Variants in GDPD5 observed in about 807,000 individuals in gnomAD.
GDPD5 encodes glycerophosphodiester phosphodiesterase domain containing 5.
Under a neutral mutation model 75.1 loss-of-function variants are expected in GDPD5, and 48 were observed. That is an observed-to-expected ratio of 0.64 (90% confidence interval 0.51 to 0.81). The LOEUF (loss-of-function observed/expected upper bound fraction) is 0.81. Among genes scored for constraint, GDPD5 ranks in the 40% least tolerant of loss-of-function variants. GDPD5 has a pLI of 0.00. For synonymous variants in GDPD5, 336 were observed against 339.0 expected (o/e 0.99, Z 0.10); for missense variants, 706 against 822.6 (o/e 0.86, Z 1.73).
chr11:75,523,042 C>T (rs77646238), intron 1 of GDPD5, among the ~76,000 whole-genome samples: 4,142 of 152,272 alleles, frequency 0.027, 187 homozygotes, highest in African/African-American at 0.094. Context: ...GCGTTCTAAT[C>T]GAAGACAAGT....
In GDPD5 at chr11:75,457,677, A is replaced by C. The variant is rs763057076; in HGVS notation, c.315+16T>G. 1.9e-6 allele frequency: 3 copies of C among 1,613,206 alleles called. No homozygotes were observed. Among genetic ancestry groups the C allele is most frequent in the East Asian group, 4.5e-5 (2 of 44,878 alleles). On this transcript the variant is annotated intron_variant, in intron 5 of 16. Coordinates refer to ENST00000336898, the MANE Select transcript of GDPD5 (RefSeq NM_030792.8). ...TGGGAGCAGGGCCACCTGCCCTCCAAAACAGCCCCATGTACCAGGAGGCCA... is the reference window on the plus strand; with the variant it reads ...TGGGAGCAGGGCCACCTGCCCTCCACAACAGCCCCATGTACCAGGAGGCCA...
At chr11:75,524,267 G>C (rs1243100270) in intron 1 of GDPD5, among the ~76,000 whole-genome samples, 1 of 152,208 alleles carries the variant, frequency 6.6e-6, no homozygotes, top group Non-Finnish European at 1.5e-5. Context: ...GGCATTCCTC[G>C]GGGCCCCAGC....
intron 12 of GDPD5, 48 bp downstream of exon 12, chr11:75,442,315 T>TAGCCAGGCCAGGGCTCC: frequency 3.5e-6 from 5 of 1,423,906 alleles, no homozygotes; most frequent in Non-Finnish European, 4.8e-6. Flanking sequence ...AGCAGGGCTC[T>TAGCCAGGCCAGGGCTCC]AGCCAGGCCA....
intron 1 of GDPD5, among the ~76,000 whole-genome samples, chr11:75,521,783 G>A (rs1409685216): frequency 7.3e-6 from 1 of 137,030 alleles, no homozygotes; most frequent in Non-Finnish European, 1.7e-5. Context: ...CAGGGATGGC[G>A]GTTCTGATGG....
At chr11:75,494,406 G>A (rs1950174795) in intron 1 of GDPD5, among the ~76,000 whole-genome samples, 1 of 151,632 alleles carries the variant, frequency 6.6e-6, no homozygotes, top group Admixed American at 6.6e-5. Context: ...TAGAAGAGAT[G>A]GGCTTTCACC....
At chr11:75,463,037 G>A in intron 3 of GDPD5, 148 bp from the exon 4 acceptor site, 2 of 646,482 alleles carry the variant, frequency 3.1e-6, no homozygotes, top group Non-Finnish European at 5.4e-6. Context: ...GAGAAACTGA[G>A]GTTCAGAGAG....
At chr11:75,467,195 T>G (rs1226670540) in intron 3 of GDPD5, among the ~76,000 whole-genome samples, 1 of 152,238 alleles carries the variant, frequency 6.6e-6, no homozygotes, top group African/African-American at 2.4e-5. Flanking sequence ...GAGCTGGCTC[T>G]GCCACTCAGC....
At chr11:75,496,779 C>CTTTCTTTTTTTTTTTTTTTTTTTT (rs58663409) in intron 1 of GDPD5, among the ~76,000 whole-genome samples, 5 of 103,114 alleles carry the variant, frequency 4.8e-5, no homozygotes, top group Non-Finnish European at 7.4e-5. Context: ...TTCTTTCTTT[C>CTTTCTTTTTTTTTTTTTTTTTTTT]TTTTTTTTTT....
chr11:75,477,732 C>T lies in GDPD5; in HGVS notation c.4G>A (p.Val2Met), dbSNP rs1175402565. The T allele has an allele frequency of 6.4e-7, 1 of 1,568,172 alleles. No homozygotes were observed. Reference protein sequence around the residue: MVRHQPLQYYEP... With the variant: MMRHQPLQYYEP... ...TAGTACTGCAGGGGCTGGTGTCTCACCATACTCGTGCCCACGGCCCTGGCG... is the reference window on the plus strand; with the variant it reads ...TAGTACTGCAGGGGCTGGTGTCTCATCATACTCGTGCCCACGGCCCTGGCG... Residue 2 changes from valine (V) to methionine (M), a missense_variant, in exon 3 of 17, where the codon GTG (valine) becomes ATG (methionine). Val to Met is a conservative substitution (Grantham distance 21, BLOSUM62 1). Transcript: ENST00000336898.
intron 3 of GDPD5, among the ~76,000 whole-genome samples, chr11:75,476,694 C>A (rs1210399396): frequency 6.6e-6 from 1 of 152,158 alleles, no homozygotes; most frequent in Non-Finnish European, 1.5e-5. Flanking sequence ...GGCCTGGTGC[C>A]CACCCTGGCA....
intron 5 of GDPD5, 99 bp downstream of exon 5, chr11:75,457,594 C>A: frequency 1.2e-6 from 1 of 836,278 alleles, no homozygotes; most frequent in Non-Finnish European, 2.0e-6. Context: ...ACAGCTTTCC[C>A]CTTTATACCA....
rs776661911 is a variant in GDPD5, at chr11:75,462,791, G to A, written c.216C>T (p.Phe72=). Residue 72 remains phenylalanine (F), a synonymous_variant, in exon 4 of 17, where the codon TTC becomes TTT. Coordinates refer to ENST00000336898, the MANE Select transcript of GDPD5 (RefSeq NM_030792.8). ...WWEVHNDYDE[F]NWYLYNRMGY... is the part of the protein sequence containing the mutation. ...CACCCACTGCCCCTACTCACCAGTT[G>A]AATTCATCATAGTCATTGTGGACTT... 1 of 1,610,160 alleles carries A rather than the reference G, an allele frequency of 6.2e-7. No individual in the cohort carries two copies. The highest frequency in any genetic ancestry group is 1.1e-5 in the South Asian group (1 of 90,988).
intron 3 of GDPD5, among the ~76,000 whole-genome samples, chr11:75,468,826 T>C (rs891711544): frequency 6.6e-6 from 1 of 152,190 alleles, no homozygotes; most frequent in Non-Finnish European, 1.5e-5. Context: ...ACAAAAGAGC[T>C]GGATTTTCAC....
intron 1 of GDPD5, among the ~76,000 whole-genome samples, chr11:75,515,579 G>A (rs761073678): frequency 6.6e-6 from 1 of 152,212 alleles, no homozygotes; most frequent in African/African-American, 2.4e-5. Flanking sequence ...CCCTGGACAT[G>A]AGGAACATGT....
At chr11:75,504,646 G>A (rs532571753) in intron 1 of GDPD5, among the ~76,000 whole-genome samples, 2 of 152,256 alleles carry the variant, frequency 1.3e-5, no homozygotes, top group African/African-American at 4.8e-5. Flanking sequence ...GGGTGCCAGG[G>A]GCCAGAGAAA....
intron 3 of GDPD5, among the ~76,000 whole-genome samples, chr11:75,464,914 C>T (rs1367138156): frequency 6.6e-6 from 1 of 152,124 alleles, no homozygotes; most frequent in Non-Finnish European, 1.5e-5. Context: ...TCCTGCCTCC[C>T]ATGGAGGCAG....
intron 1 of GDPD5, among the ~76,000 whole-genome samples, chr11:75,505,729 G>A (rs925705839): frequency 3.9e-5 from 6 of 152,114 alleles, no homozygotes; most frequent in African/African-American, 1.4e-4. Context: ...AGTGGATTTG[G>A]TTTAATTCAA....
chr11:75,449,477 G>T, intron 8 of GDPD5, 40 bp downstream of exon 8: 1 of 1,522,908 alleles, frequency 6.6e-7, no homozygotes, highest in Non-Finnish European at 8.9e-7. Context: ...CTTGGCACCT[G>T]CAGGGATTGG....
At chr11:75,446,140 C>T (rs959303314) in intron 9 of GDPD5, among the ~76,000 whole-genome samples, 65 of 152,348 alleles carry the variant, frequency 4.3e-4, no homozygotes, top group Non-Finnish European at 8.2e-4. Flanking sequence ...CAGGGGTCCA[C>T]GCTCCCTGCT....
Sources: allele counts gnomAD v4.1 joint callset (sites outside exome capture counted in the v4.1 genomes callset), GRCh38; gene constraint gnomAD v4.1.1; transcripts MANE v1.5; gene names NCBI Gene and HGNC (gene_info 2026-07-23, HGNC 2026-07-21).